C7: variants seen among roughly 807,000 people sequenced by gnomAD.
The protein encoded by C7 is complement C7, also known as complement component C7.
In C7, 83 loss-of-function variants were observed where a neutral mutation model predicts 104.8. The ratio of observed to expected loss-of-function variants is 0.79; its 90% confidence interval spans 0.66 to 0.95. The LOEUF (loss-of-function observed/expected upper bound fraction) is 0.95. Among genes scored for constraint, C7 ranks in the 40% least tolerant of loss-of-function variants. C7 has a pLI of 0.00. For missense variants in C7, 1,070 were observed against 1,011.2 expected (o/e 1.06, Z -0.79); for synonymous variants, 415 against 360.6 (o/e 1.15, Z -1.71).
intron 6 of C7, among the ~76,000 whole-genome samples, chr5:40,942,575 T>A (rs1282372334): frequency 2.6e-5 from 4 of 152,034 alleles, no homozygotes; most frequent in African/African-American, 7.2e-5. Flanking sequence ...GTCTGTAGAA[T>A]CGAGGAATTG....
At chr5:40,920,245 T>C (rs1415172178) in intron 1 of C7, among the ~76,000 whole-genome samples, 1 of 152,116 alleles carries the variant, frequency 6.6e-6, no homozygotes, top group Non-Finnish European at 1.5e-5. Flanking sequence ...TAAAGTGTTG[T>C]TCAAGTTGAA....
intron 7 of C7, 36 bp downstream of exon 7, chr5:40,945,404 T>C: frequency 2.0e-6 from 3 of 1,465,116 alleles, no homozygotes; most frequent in Non-Finnish European, 2.8e-6. Flanking sequence ...TTCCATGTTT[T>C]ACTTTTTTAA....
chr5:40,937,598 A>G lies in C7; in HGVS notation c.475A>G (p.Lys159Glu). 2 of 1,612,744 alleles carry G rather than the reference A, an allele frequency of 1.2e-6. No individual in the cohort carries two copies. Among genetic ancestry groups the G allele is most frequent in the Non-Finnish European group, 1.7e-6 (2 of 1,179,156 alleles). The stretch of plus-strand genomic sequence containing the variant: ...GTTTAGGAACAGAGTCATCAATACC[A>G]AAAGTTTTGGTGGTCAATGTAGAAA... Reference protein sequence around the residue: ...GQFRNRVINTKSFGGQCRKVF... With the variant: ...GQFRNRVINTESFGGQCRKVF... The change falls in exon 6 of 18, where the codon AAA (lysine) becomes GAA (glutamate). Residue 159 changes from lysine (K) to glutamate (E), a missense_variant. Coordinates refer to ENST00000313164, the MANE Select transcript of C7 (RefSeq NM_000587.4).
At chr5:40,931,633 C>T (rs1739685508) in intron 3 of C7, among the ~76,000 whole-genome samples, 1 of 152,126 alleles carries the variant, frequency 6.6e-6, no homozygotes, top group Non-Finnish European at 1.5e-5. Flanking sequence ...AACACAAATA[C>T]AATGTTGGAC....
chr5:40,984,286 G>A lies in C7; in HGVS notation c.*2713G>A, dbSNP rs1416430831. Among the ~76,000 whole-genome samples the A allele has an allele frequency of 6.6e-6, 1 of 152,166 alleles. No homozygotes were observed. Among genetic ancestry groups the A allele is most frequent in the Non-Finnish European group, 1.5e-5 (1 of 68,036 alleles). ...AGAGAAGGAGGGTTCTTCGTATTCA[G>A]GTAGGGTATGGTAGGGATGTGGAGT... On this transcript the variant is annotated 3_prime_UTR_variant, in exon 18 of 18. Coordinates refer to ENST00000313164, the MANE Select transcript of C7 (RefSeq NM_000587.4).
At chr5:40,940,930 A>G (rs1739921613) in intron 6 of C7, among the ~76,000 whole-genome samples, 1 of 152,166 alleles carries the variant, frequency 6.6e-6, no homozygotes, top group Non-Finnish European at 1.5e-5. Context: ...CAAGCATTTT[A>G]TATAGTATAT....
intron 6 of C7, among the ~76,000 whole-genome samples, chr5:40,941,206 G>T (rs551166992): frequency 6.6e-6 from 1 of 152,010 alleles, no homozygotes; most frequent in African/African-American, 2.4e-5. Flanking sequence ...TGGGATTACA[G>T]GCGTGTACTA....
chr5:40,914,363 G>A (rs771216170), intron 1 of C7, among the ~76,000 whole-genome samples: 9 of 152,098 alleles, frequency 5.9e-5, no homozygotes, highest in Non-Finnish European at 1.2e-4. Flanking sequence ...CTGGATATTA[G>A]TTCTCTGTCA....
At chr5:40,943,209 A>C (rs1398140048) in intron 6 of C7, among the ~76,000 whole-genome samples, 1 of 152,362 alleles carries the variant, frequency 6.6e-6, no homozygotes. Context: ...GAAAAAACTG[A>C]AAGTATTGAT....
At chr5:40,951,231 CTTG>C (rs1320307814) in intron 9 of C7, among the ~76,000 whole-genome samples, 1 of 151,972 alleles carries the variant, frequency 6.6e-6, no homozygotes, top group East Asian at 1.9e-4. Context: ...TTATTTTTTA[CTTG>C]TTAAGTTAAG....
At chr5:40,925,994 G>T (rs1739542634) in intron 1 of C7, among the ~76,000 whole-genome samples, 1 of 152,138 alleles carries the variant, frequency 6.6e-6, no homozygotes, top group Non-Finnish European at 1.5e-5. Context: ...GATGAACATG[G>T]TGAACATAGA....
chr5:40,979,287 T>C (rs1740886455), intron 16 of C7, among the ~76,000 whole-genome samples: 1 of 152,228 alleles, frequency 6.6e-6, no homozygotes, highest in Non-Finnish European at 1.5e-5. Context: ...AATGCAGTTT[T>C]ATGGACATGA....
chr5:40,966,481 C>A (rs1320836744), intron 14 of C7, among the ~76,000 whole-genome samples: 2 of 151,800 alleles, frequency 1.3e-5, no homozygotes, highest in Admixed American at 6.6e-5. Context: ...AACATTCAAA[C>A]AATTCTCCTG....
chr5:40,930,984 T>C, intron 2 of C7, 80 bp from the exon 3 acceptor site: 2 of 946,994 alleles, frequency 2.1e-6, no homozygotes, highest in Non-Finnish European at 3.4e-6. Flanking sequence ...TTAACTATTT[T>C]TGACTGTTTT....
intron 2 of C7, among the ~76,000 whole-genome samples, chr5:40,930,078 C>T (rs951147484): frequency 6.6e-6 from 1 of 152,112 alleles, no homozygotes; most frequent in Non-Finnish European, 1.5e-5. Flanking sequence ...TCTATATTCC[C>T]ATAACACATT....
intron 5 of C7, 23 bp from the exon 6 acceptor site, chr5:40,937,529 T>TCTCCTCCTC: frequency 6.4e-7 from 1 of 1,569,158 alleles, no homozygotes; most frequent in Non-Finnish European, 8.6e-7. Flanking sequence ...ATTTCCTCCT[T>TCTCCTCCTC]CTCCTCCTCC....
At chr5:40,924,225 C>G (rs1242272906) in intron 1 of C7, among the ~76,000 whole-genome samples, 2 of 152,218 alleles carry the variant, frequency 1.3e-5, no homozygotes, top group African/African-American at 4.8e-5. Flanking sequence ...AAGGAGGCTA[C>G]AGGCCCCATG....
chr5:40,963,249 C>G lies in C7; in HGVS notation c.1749+1077C>G, dbSNP rs969523176. On this transcript the variant is annotated intron_variant, in intron 13 of 17. Coordinates refer to ENST00000313164, the MANE Select transcript of C7 (RefSeq NM_000587.4). ...AGGGAACTTAAAACTAGAGATGGCT[C>G]TTTCTCACTTGTCCTCCACGTTTTC... is the stretch of plus-strand genomic sequence containing the variant. Among the ~76,000 whole-genome samples the G allele has an allele frequency of 8.5e-5, 13 of 152,204 alleles. No homozygotes were observed. In the East Asian group the frequency reaches 1.5e-3, roughly 18 times the overall value.
At position 40,983,800 on chromosome 5, in the gene C7, G is replaced by T. The variant is rs1389994437; in HGVS notation, c.*2227G>T. Among the ~76,000 whole-genome samples, 1 of 152,188 alleles carries T rather than the reference G, an allele frequency of 6.6e-6. No homozygotes were observed. Among genetic ancestry groups the T allele is most frequent in the Non-Finnish European group, 1.5e-5 (1 of 68,028 alleles). On this transcript the variant is annotated 3_prime_UTR_variant, in exon 18 of 18. Transcript: ENST00000313164. ...TATACCACAAAAATAAATGGAAAAA[G>T]AATAAAGACTGTGAGAATTCCATCT...
Sources: gnomAD v4.1 joint callset for allele counts (sites outside exome capture counted in the v4.1 genomes callset) on GRCh38, gnomAD v4.1.1 for gene constraint, MANE v1.5 for transcripts, NCBI Gene and HGNC (gene_info 2026-07-23, HGNC 2026-07-21) for gene names.